Variants in RBFOX1 observed in about 807,000 individuals in gnomAD.
RBFOX1 encodes RNA binding fox-1 homolog 1, also known as RNA binding protein fox-1 homolog 1.
RBFOX1 carries 8 observed loss-of-function variants against 57.7 expected under a neutral mutation model. That is an observed-to-expected ratio of 0.14 (90% confidence interval 0.08 to 0.25). RBFOX1 has a LOEUF of 0.25. Among genes scored for constraint, RBFOX1 ranks in the 10% least tolerant of loss-of-function variants. The probability of loss-of-function intolerance (pLI) is 1.00; values close to 1 mark genes in which losing one functional copy is unlikely to be tolerated. For missense variants in RBFOX1, 611 were observed against 548.5 expected, an observed-to-expected ratio of 1.11 and a Z score of -1.14; for synonymous variants, 326 against 222.4, an observed-to-expected ratio of 1.47 and a Z score of -4.15.
chr16:6,538,809 C>T (rs151324812), intron 2 of RBFOX1, among the ~76,000 whole-genome samples: 3 of 152,154 alleles, frequency 2.0e-5, no homozygotes, highest in Admixed American at 6.5e-5. Flanking sequence ...TGCTAATATG[C>T]GGTTCTTTGT....
At chr16:6,455,814 G>A (rs1024920257) in intron 2 of RBFOX1, among the ~76,000 whole-genome samples, 2 of 152,088 alleles carry the variant, frequency 1.3e-5, no homozygotes, top group South Asian at 2.1e-4. Flanking sequence ...GTTTTAGATG[G>A]CTTATAATAA....
intron 3 of RBFOX1, among the ~76,000 whole-genome samples, chr16:6,902,267 T>C (rs550666116): frequency 8.5e-5 from 13 of 152,312 alleles, no homozygotes; most frequent in African/African-American, 2.6e-4. Flanking sequence ...AAGCCCCGTT[T>C]TTGTTTCCAC....
At position 7,627,022 on chromosome 16, in the gene RBFOX1, G is replaced by A. The variant is rs146387275; in HGVS notation, c.677-3581G>A. Among the ~76,000 whole-genome samples, 419 of 152,120 alleles carry A rather than the reference G, an allele frequency of 2.8e-3. 2 individuals carry two copies. Among genetic ancestry groups the A allele is most frequent in the African/African-American group, 9.9e-3 (409 of 41,480 alleles). On this transcript the variant is annotated intron_variant, in intron 10 of 15. Coordinates refer to ENST00000550418, the MANE Select transcript of RBFOX1 (RefSeq NM_018723.4). ...AGGGAGGTTTAAAAATGCAAGATAA[G>A]AGCATAGTGTAGGTAATAACTAATT...
intron 2 of RBFOX1, among the ~76,000 whole-genome samples, chr16:6,457,242 A>G (rs2094795946): frequency 6.6e-6 from 1 of 152,174 alleles, no homozygotes; most frequent in South Asian, 2.1e-4. Context: ...TCAGCAGGAA[A>G]TAGTGGTGTT....
At chr16:5,414,061 G>A (rs550439737) in intron 1 of RBFOX1, among the ~76,000 whole-genome samples, 4 of 152,152 alleles carry the variant, frequency 2.6e-5, no homozygotes, top group Non-Finnish European at 5.9e-5. Flanking sequence ...CAGAATGGTG[G>A]CCTCTTCTTT....
chr16:6,320,517 A>T (rs1040079807), intron 2 of RBFOX1, among the ~76,000 whole-genome samples: 1 of 152,020 alleles, frequency 6.6e-6, no homozygotes, highest in Non-Finnish European at 1.5e-5. Flanking sequence ...ATTTTTTTTT[A>T]AATTGCGAAG....
intron 2 of RBFOX1, among the ~76,000 whole-genome samples, chr16:5,588,383 CTG>C (rs1372297751): frequency 6.6e-6 from 1 of 152,130 alleles, no homozygotes; most frequent in Non-Finnish European, 1.5e-5. Context: ...AAAAAAATGA[CTG>C]AGAATTGTGG....
At chr16:6,811,069 G>C (rs540050665) in intron 3 of RBFOX1, among the ~76,000 whole-genome samples, 1 of 152,194 alleles carries the variant, frequency 6.6e-6, no homozygotes, top group Non-Finnish European at 1.5e-5. Context: ...AAACACACCT[G>C]GGTATTTCTT....
At chr16:7,405,678 C>G (rs1380875681) in intron 4 of RBFOX1, among the ~76,000 whole-genome samples, 1 of 152,180 alleles carries the variant, frequency 6.6e-6, no homozygotes, top group African/African-American at 2.4e-5. Context: ...GGCTGCAACT[C>G]AGGTCCCAGC....
chr16:5,354,148 T>C (rs1021029146), intron 1 of RBFOX1, among the ~76,000 whole-genome samples: 4 of 152,238 alleles, frequency 2.6e-5, no homozygotes, highest in Non-Finnish European at 4.4e-5. Context: ...ACATTTTCCC[T>C]GTCTCCTTGA....
chr16:6,352,621 G>T (rs1414732121), intron 2 of RBFOX1, among the ~76,000 whole-genome samples: 1 of 152,074 alleles, frequency 6.6e-6, no homozygotes, highest in Admixed American at 6.6e-5. Context: ...TCCTTGCTTT[G>T]GGTTACCATG....
At chr16:6,511,322 C>T (rs2153778412) in intron 2 of RBFOX1, among the ~76,000 whole-genome samples, 1 of 152,220 alleles carries the variant, frequency 6.6e-6, no homozygotes, top group Admixed American at 6.5e-5. Flanking sequence ...ATGCAAATTG[C>T]CTAAAATCTC....
At chr16:6,825,296 T>G (rs2091978145) in intron 3 of RBFOX1, among the ~76,000 whole-genome samples, 1 of 151,120 alleles carries the variant, frequency 6.6e-6, no homozygotes. Flanking sequence ...CAAAAATGTC[T>G]GTAGATATTG....
intron 1 of RBFOX1, among the ~76,000 whole-genome samples, chr16:5,383,554 T>G (rs1220986394): frequency 6.6e-6 from 1 of 152,238 alleles, no homozygotes; most frequent in Non-Finnish European, 1.5e-5. Flanking sequence ...TTAAACTTTC[T>G]GAGCCTCAGT....
At chr16:6,724,113 G>T (rs572923475) in intron 3 of RBFOX1, among the ~76,000 whole-genome samples, 1 of 152,148 alleles carries the variant, frequency 6.6e-6, no homozygotes, top group South Asian at 2.1e-4. Context: ...TGGTGGCAGG[G>T]ACTTCATGAA....
intron 4 of RBFOX1, among the ~76,000 whole-genome samples, chr16:7,054,914 T>G (rs541966315): frequency 6.6e-6 from 1 of 152,294 alleles, no homozygotes; most frequent in African/African-American, 2.4e-5. Flanking sequence ...AGCAGATGAT[T>G]TAGAAAGATA....
intron 4 of RBFOX1, among the ~76,000 whole-genome samples, chr16:7,218,221 C>A (rs936213053): frequency 2.6e-5 from 4 of 152,132 alleles, no homozygotes; most frequent in Non-Finnish European, 5.9e-5. Flanking sequence ...GTCTTATTTT[C>A]CTTCATTAAT....
At chr16:5,873,674 A>G (rs561678094) in intron 4 of RBFOX1, among the ~76,000 whole-genome samples, 7 of 152,350 alleles carry the variant, frequency 4.6e-5, no homozygotes, top group Admixed American at 3.9e-4. Flanking sequence ...ATAGCATTAT[A>G]GAATAAATGC....
chr16:6,606,309 G>C (rs1038273511), intron 2 of RBFOX1, among the ~76,000 whole-genome samples: 31 of 152,030 alleles, frequency 2.0e-4, no homozygotes, highest in African/African-American at 6.8e-4. Context: ...CATGTATCCA[G>C]ACACATTTTT....
Sources: allele counts gnomAD v4.1 joint callset (sites outside exome capture counted in the v4.1 genomes callset), GRCh38; gene constraint gnomAD v4.1.1; transcripts MANE v1.5; gene names NCBI Gene and HGNC (gene_info 2026-07-23, HGNC 2026-07-21).